The following RORA variants were observed in gnomAD, a reference collection of about 807,000 sequenced individuals.
RORA encodes the protein RAR related orphan receptor A.
In RORA, 7 loss-of-function variants were observed where a neutral mutation model predicts 69.5. The observed-to-expected ratio is 0.10, with a 90% CI of 0.06 to 0.19. The LOEUF is 0.19. RORA is among the 10% of genes least tolerant of loss of function. The probability of loss-of-function intolerance (pLI) is 1.00; values close to 1 mark genes in which losing one functional copy is unlikely to be tolerated. For missense variants in RORA, 457 were observed against 663.0 expected (o/e 0.69, Z 3.41); for synonymous variants, 261 against 240.8 (o/e 1.08, Z -0.78).
At chr15:60,502,901 G>T (rs1281727505) in intron 7 of RORA, 34 bp from the exon 8 acceptor site, 1 of 1,379,424 alleles carries the variant, frequency 7.2e-7, no homozygotes, top group Non-Finnish European at 1.0e-6. Flanking sequence ...GGGTCATTTG[G>T]GTCATCTGAT....
Position 60,514,702 on chromosome 15 carries a change from T to C in RORA, c.338A>G (p.Lys113Arg), listed in dbSNP as rs763199045. The change falls in exon 4 of 11, where the codon AAG becomes AGG. Residue 113 changes from lysine (K) to arginine (R), a missense_variant. Lys to Arg is a conservative substitution (Grantham distance 26). Coordinates refer to ENST00000335670, the MANE Select transcript of RORA (RefSeq NM_134261.3). ...ACTGGTTCGATCAATCAAACAGTTCTTCTGACGAGGACAGGAGTAGGTGGC... is the reference window on the plus strand; with the variant it reads ...ACTGGTTCGATCAATCAAACAGTTCCTCTGACGAGGACAGGAGTAGGTGGC... ...SNATYSCPRQKNCLIDRTSRN... is the reference protein window; with the variant it reads ...SNATYSCPRQRNCLIDRTSRN... 4 of 1,614,088 alleles carry C rather than the reference T, an allele frequency of 2.5e-6. No individual in the cohort carries two copies. Among genetic ancestry groups the C allele is most frequent in the Non-Finnish European group, 3.4e-6 (4 of 1,179,932 alleles).
At chr15:60,858,912 C>A (rs1173528541) in intron 1 of RORA, among the ~76,000 whole-genome samples, 1 of 152,080 alleles carries the variant, frequency 6.6e-6, no homozygotes, top group Non-Finnish European at 1.5e-5. Context: ...GAAAGAAGGC[C>A]CGGTGCCCTT....
chr15:60,762,443 C>G (rs984267587), intron 1 of RORA, among the ~76,000 whole-genome samples: 2 of 152,144 alleles, frequency 1.3e-5, no homozygotes, highest in Non-Finnish European at 2.9e-5. Flanking sequence ...AGGCCTGGGC[C>G]TTGCCCCATC....
At chr15:61,081,069 A>G (rs2078531987) in intron 1 of RORA, among the ~76,000 whole-genome samples, 1 of 152,224 alleles carries the variant, frequency 6.6e-6, no homozygotes, top group Non-Finnish European at 1.5e-5. Context: ...CCAATCTTCA[A>G]AGTACCTCGT....
At chr15:60,954,209 G>A (rs994502818) in intron 1 of RORA, among the ~76,000 whole-genome samples, 4 of 137,910 alleles carry the variant, frequency 2.9e-5, no homozygotes, top group East Asian at 4.3e-4. Flanking sequence ...ACCAAACACC[G>A]CATATTCTCA....
At chr15:60,569,212 T>A (rs1448901651) in intron 2 of RORA, among the ~76,000 whole-genome samples, 2 of 149,684 alleles carry the variant, frequency 1.3e-5, no homozygotes, top group African/African-American at 4.9e-5. Flanking sequence ...AACCTAAGAG[T>A]TCGAGACTAG....
At chr15:60,918,027 G>C (rs8042921) in intron 1 of RORA, among the ~76,000 whole-genome samples, 1 of 151,824 alleles carries the variant, frequency 6.6e-6, no homozygotes, top group African/African-American at 2.4e-5. Flanking sequence ...TATACCATGT[G>C]TCCCTGTACG....
At chr15:61,102,932 T>C (rs748292408) in intron 1 of RORA, among the ~76,000 whole-genome samples, 1 of 152,184 alleles carries the variant, frequency 6.6e-6, no homozygotes, top group East Asian at 1.9e-4. Flanking sequence ...TTAAGAATCA[T>C]TCTGTATTTT....
chr15:60,703,126 A>AACAC (rs33962963), intron 1 of RORA, among the ~76,000 whole-genome samples: 9,648 of 145,484 alleles, frequency 0.066, 306 homozygotes, highest in African/African-American at 0.082. Context: ...GCTTCAGATT[A>AACAC]ACACACACAC....
intron 2 of RORA, among the ~76,000 whole-genome samples, chr15:60,653,216 TTGAG>T (rs1235474826): frequency 8.5e-5 from 13 of 152,252 alleles, no homozygotes; most frequent in African/African-American, 3.1e-4. Flanking sequence ...ATTAGAGTGC[TTGAG>T]TTTGCTGGGA....
chr15:60,630,170 G>C lies in RORA; in HGVS notation c.196+48487C>G, dbSNP rs28533348. 3.7e-3 allele frequency among the ~76,000 whole-genome samples: 568 copies of C among 152,288 alleles called. 6 individuals carry two copies. The highest frequency in any genetic ancestry group is 0.012 in the African/African-American group (503 of 41,558). ...TCTTTTCCACCATGAGTTCTACACTGATGCAAAGGACAGAATCAGAATATA... is the reference window on the plus strand; with the variant it reads ...TCTTTTCCACCATGAGTTCTACACTCATGCAAAGGACAGAATCAGAATATA... On this transcript the variant is annotated intron_variant, in intron 2 of 10. Coordinates refer to ENST00000335670, the MANE Select transcript of RORA (RefSeq NM_134261.3).
chr15:60,655,825 G>A (rs933798449), intron 2 of RORA, among the ~76,000 whole-genome samples: 7 of 152,140 alleles, frequency 4.6e-5, no homozygotes, highest in Admixed American at 2.0e-4. Context: ...CCATAGCAAC[G>A]TACCTCACCT....
intron 1 of RORA, among the ~76,000 whole-genome samples, chr15:61,218,082 A>C (rs951363311): frequency 6.6e-6 from 1 of 152,098 alleles, no homozygotes; most frequent in African/African-American, 2.4e-5. Context: ...TAGATCATGA[A>C]ACCAATGTGG....
chr15:60,807,075 GAGAA>G (rs1213503757), intron 1 of RORA, among the ~76,000 whole-genome samples: 2 of 152,100 alleles, frequency 1.3e-5, no homozygotes, highest in East Asian at 3.8e-4. Context: ...AATCAGAAAA[GAGAA>G]AGAAAGAAAG....
intron 1 of RORA, among the ~76,000 whole-genome samples, chr15:60,876,026 T>C (rs973922659): frequency 3.3e-5 from 5 of 152,190 alleles, no homozygotes; most frequent in African/African-American, 1.2e-4. Flanking sequence ...TTGTTCAGCG[T>C]ATTTAATGTC....
In RORA at chr15:60,497,275, A is replaced by C; in HGVS notation, c.*180T>G. Reference sequence around the variant, plus strand: ...GGAAATCATATGCATGAGAAAAACAAGTTCAACTTTTATTTGTTTTCATTG... The same window carrying C: ...GGAAATCATATGCATGAGAAAAACACGTTCAACTTTTATTTGTTTTCATTG... On this transcript the variant is annotated 3_prime_UTR_variant, in exon 11 of 11. Transcript: ENST00000335670. 1.8e-6 allele frequency: 1 copy of C among 557,308 alleles called. No individual in the cohort carries two copies. 34.5% of individuals were successfully genotyped at this position (557,308 alleles called of 1,614,324 possible). A position where few individuals can be genotyped will look rare whatever the true frequency, so the allele number is the denominator to read the frequency against.
chr15:60,661,195 A>T (rs565091379), intron 2 of RORA, among the ~76,000 whole-genome samples: 2 of 152,120 alleles, frequency 1.3e-5, no homozygotes, highest in Non-Finnish European at 1.5e-5. Flanking sequence ...AATCACTGTA[A>T]TTTGTACTAA....
chr15:60,996,071 GTTTTTTTT>G (rs35698487), intron 1 of RORA, among the ~76,000 whole-genome samples: 3 of 135,230 alleles, frequency 2.2e-5, no homozygotes, highest in East Asian at 2.0e-4. Flanking sequence ...CTTGTTTTTT[GTTTTTTTT>G]TTTTTTTTTG....
intron 1 of RORA, among the ~76,000 whole-genome samples, chr15:61,041,639 G>T (rs1896778009): frequency 6.6e-6 from 1 of 152,096 alleles, no homozygotes; most frequent in Non-Finnish European, 1.5e-5. Context: ...GCTCACTGCA[G>T]CCTCGAACTC....
Sources: gnomAD v4.1 joint callset for allele counts (sites outside exome capture counted in the v4.1 genomes callset) on GRCh38, gnomAD v4.1.1 for gene constraint, MANE v1.5 for transcripts, NCBI Gene and HGNC (gene_info 2026-07-23, HGNC 2026-07-21) for gene names.